PCDHA1: variants seen among roughly 807,000 people sequenced by gnomAD.
PCDHA1 encodes protocadherin alpha-1.
PCDHA1 carries 42 observed loss-of-function variants against 61.3 expected under a neutral mutation model. The ratio of observed to expected loss-of-function variants is 0.69; its 90% CI spans 0.54 to 0.89. The LOEUF (loss-of-function observed/expected upper bound fraction) is 0.89, where lower values mean the gene tolerates loss of function less well. Among genes scored for constraint, PCDHA1 ranks in the 40% least tolerant of loss-of-function variants. The pLI is 0.00. For missense variants in PCDHA1, 1,256 were observed against 1,235.3 expected (o/e 1.02, Z -0.25); for synonymous variants, 610 against 553.8 (o/e 1.10, Z -1.43).
intron 1 of PCDHA1, among the ~76,000 whole-genome samples, chr5:140,948,620 T>TTAA (rs1422284059): frequency 6.6e-6 from 1 of 151,716 alleles, no homozygotes; most frequent in African/African-American, 2.4e-5. Context: ...CACAAAGTTG[T>TTAA]TAATAATATT....
intron 1 of PCDHA1, among the ~76,000 whole-genome samples, chr5:140,791,122 T>C (rs1420923610): frequency 6.6e-6 from 1 of 152,184 alleles, no homozygotes; most frequent in Non-Finnish European, 1.5e-5. Flanking sequence ...TTGTGGTCAG[T>C]GAAGGATGCA....
At position 141,010,020 on chromosome 5, in the gene PCDHA1, TTCCTA is replaced by T. The variant is rs1554262638; in HGVS notation, c.*86_*90del. 6.4e-7 allele frequency: 1 copy of T among 1,572,330 alleles called. No individual in the cohort carries two copies. Among genetic ancestry groups the T allele is most frequent in the Non-Finnish European group, 8.6e-7 (1 of 1,163,268 alleles). On this transcript the variant is annotated 3_prime_UTR_variant, in exon 4 of 4. Coordinates refer to ENST00000504120, the MANE Select transcript of PCDHA1 (RefSeq NM_018900.4). ...CCATGTAGCAATTCCCTGCTCCTTT[TTCCTA>T]TCTACATGAGCCCTCTTAGAGACCT...
intron 1 of PCDHA1, among the ~76,000 whole-genome samples, chr5:140,846,947 G>T (rs772178263): frequency 6.7e-6 from 1 of 149,632 alleles, no homozygotes; most frequent in African/African-American, 2.4e-5. Flanking sequence ...ACTTGAAGGG[G>T]CATGGTGTGT....
chr5:140,894,678 G>A (rs2064610623), intron 1 of PCDHA1, among the ~76,000 whole-genome samples: 2 of 151,110 alleles, frequency 1.3e-5, no homozygotes, highest in African/African-American at 4.9e-5. Flanking sequence ...TTCTTGCATA[G>A]CTTTTCATTA....
chr5:140,884,556 GC>G, intron 1 of PCDHA1: 2 of 1,614,154 alleles, frequency 1.2e-6, no homozygotes, highest in Non-Finnish European at 1.7e-6. Flanking sequence ...TCTGGGGAGG[GC>G]CCGCATAAGA....
chr5:140,928,570 C>G, intron 1 of PCDHA1: 1 of 1,614,196 alleles, frequency 6.2e-7, no homozygotes, highest in Non-Finnish European at 8.5e-7. Flanking sequence ...GTTTCCCTTG[C>G]CCAGAAATGG....
chr5:140,873,172 G>A (rs545473160), intron 1 of PCDHA1, among the ~76,000 whole-genome samples: 1 of 152,202 alleles, frequency 6.6e-6, no homozygotes, highest in African/African-American at 2.4e-5. Flanking sequence ...GAGAGCTTTT[G>A]TATCATAATA....
Position 140,875,764 on chromosome 5 carries a change from C to T in PCDHA1, c.2394+87080C>T, listed in dbSNP as rs782377276. On this transcript the variant is annotated intron_variant, in intron 1 of 3. Coordinates refer to ENST00000504120, the MANE Select transcript of PCDHA1 (RefSeq NM_018900.4). ...GATCGACCGCGAGAAGCTGTGCGGGCGGAGCGCGGAGTGCAGTATCCACCT... is the reference window on the plus strand; with the variant it reads ...GATCGACCGCGAGAAGCTGTGCGGGTGGAGCGCGGAGTGCAGTATCCACCT... 27 of 1,614,078 alleles carry T rather than the reference C, an allele frequency of 1.7e-5. No homozygotes were observed. In the South Asian group the frequency reaches 2.1e-4, roughly 12 times the overall value.
At chr5:140,963,693 A>G (rs782642148) in intron 1 of PCDHA1, among the ~76,000 whole-genome samples, 15 of 152,210 alleles carry the variant, frequency 9.9e-5, no homozygotes, top group Non-Finnish European at 2.2e-4. Context: ...TCCGTGTTTG[A>G]TATCTAAAGG....
At chr5:140,850,178 T>C (rs1266429053) in intron 1 of PCDHA1, 11 of 1,592,662 alleles carry the variant, frequency 6.9e-6, no homozygotes, top group East Asian at 6.8e-5. Flanking sequence ...AGAACGACAA[T>C]GCGCCGGCGC....
chr5:140,801,177 A>G, intron 1 of PCDHA1: 1 of 1,570,090 alleles, frequency 6.4e-7, no homozygotes, highest in Non-Finnish European at 8.6e-7. Flanking sequence ...AAGGCAATCT[A>G]ATATTTGGAA....
intron 1 of PCDHA1, chr5:140,929,026 G>A: frequency 1.2e-6 from 2 of 1,614,176 alleles, no homozygotes; most frequent in Non-Finnish European, 1.7e-6. Context: ...CCAGAGCCCA[G>A]GCTGTTGCGC....
In PCDHA1 at chr5:140,788,396, C is replaced by G; in HGVS notation, c.2106C>G (p.Ile702Met). The G allele has an allele frequency of 6.2e-7, 1 of 1,614,056 alleles. No individual in the cohort carries two copies. The highest frequency in any genetic ancestry group is 1.7e-4 in the Middle Eastern group (1 of 6,058). The change falls in exon 1 of 4, where the codon ATC becomes ATG. Residue 702 changes from isoleucine (I) to methionine (M), a missense_variant. By Grantham distance (10) the Ile-to-Met change is conservative (BLOSUM62 1). Coordinates refer to ENST00000504120, the MANE Select transcript of PCDHA1 (RefSeq NM_018900.4). ...ALVDVNVYLI[I>M]AICAVSSLLV... ...TGGATGTCAACGTGTACCTGATCAT[C>G]GCCATCTGCGCGGTGTCCAGCCTGC...
At chr5:140,897,258 G>A (rs1008292814) in intron 1 of PCDHA1, among the ~76,000 whole-genome samples, 1 of 151,682 alleles carries the variant, frequency 6.6e-6, no homozygotes, top group African/African-American at 2.4e-5. Flanking sequence ...ATGTATACAT[G>A]TGCCATGCTG....
intron 1 of PCDHA1, chr5:140,843,383 G>C: frequency 6.3e-7 from 1 of 1,596,120 alleles, no homozygotes; most frequent in African/African-American, 1.3e-5. Context: ...TGGCGTTTTG[G>C]GTCCGGAAGC....
At chr5:140,955,163 TTTGG>T (rs1445630947) in intron 1 of PCDHA1, among the ~76,000 whole-genome samples, 2 of 152,184 alleles carry the variant, frequency 1.3e-5, no homozygotes, top group Admixed American at 6.5e-5. Flanking sequence ...ACCGTGCTGT[TTTGG>T]TTACTGTAGT....
intron 1 of PCDHA1, chr5:140,856,766 A>C: frequency 1.3e-6 from 2 of 1,596,904 alleles, no homozygotes. Context: ...TAACGCCCCT[A>C]TCTTTGACAG....
intron 1 of PCDHA1, chr5:140,862,641 A>C (rs529897830): frequency 1.7e-5 from 9 of 540,658 alleles, no homozygotes; most frequent in Admixed American, 9.7e-5. Context: ...ACGACTTCAC[A>C]GTGTCCGCGC....
At chr5:140,828,391 G>A in intron 1 of PCDHA1, 4 of 1,614,294 alleles carry the variant, frequency 2.5e-6, no homozygotes, top group Non-Finnish European at 3.4e-6. Flanking sequence ...GGCGGAGCGC[G>A]GAGTGCAGCA....
Sources: allele counts gnomAD v4.1 joint callset (sites outside exome capture counted in the v4.1 genomes callset), GRCh38; gene constraint gnomAD v4.1.1; transcripts MANE v1.5; gene names NCBI Gene and HGNC (gene_info 2026-07-23, HGNC 2026-07-21).